Variants in DRC8 observed in about 807,000 individuals in gnomAD.
The protein encoded by DRC8 is dynein regulatory complex subunit 8.
chr1:245,048,865 T>C, the DRC8 span, among the ~76,000 whole-genome samples: 2 of 152,202 alleles, frequency 1.3e-5, no homozygotes, highest in Non-Finnish European at 2.9e-5. Flanking sequence ...TCTTGCTATA[T>C]TGTCCAGGTG....
chr1:244,970,624 G>T, the DRC8 span: 4 of 452,692 alleles, frequency 8.8e-6, no homozygotes, highest in South Asian at 2.8e-5. Context: ...CCCGTAGCCC[G>T]CCCGGCCCGC....
chr1:245,001,444 A>C, the DRC8 span, among the ~76,000 whole-genome samples: 1 of 152,218 alleles, frequency 6.6e-6, no homozygotes. Flanking sequence ...CATACCCCAG[A>C]CCTGTTGAGT....
the DRC8 span, among the ~76,000 whole-genome samples, chr1:244,975,698 A>C: frequency 6.6e-6 from 1 of 151,802 alleles, no homozygotes; most frequent in African/African-American, 2.4e-5. Flanking sequence ...GTCTCTACTA[A>C]AAATACAAAA....
the DRC8 span, among the ~76,000 whole-genome samples, chr1:245,117,223 C>T: frequency 6.6e-6 from 1 of 151,834 alleles, no homozygotes; most frequent in African/African-American, 2.4e-5. Context: ...CGGCTAATTT[C>T]TTTGTATTTT....
chr1:245,091,739 A>T, the DRC8 span: 31 of 152,356 alleles, frequency 2.0e-4, no homozygotes, highest in African/African-American at 7.2e-4. Context: ...CTCCCCACAG[A>T]AATCTCATTT....
At chr1:245,121,712 G>T in the DRC8 span, among the ~76,000 whole-genome samples, 1 of 152,102 alleles carries the variant, frequency 6.6e-6, no homozygotes, top group East Asian at 1.9e-4. Context: ...CCAAAACGAG[G>T]GCTGTCCAGC....
At chr1:245,053,174 A>G in the DRC8 span, among the ~76,000 whole-genome samples, 12 of 152,334 alleles carry the variant, frequency 7.9e-5, no homozygotes, top group Non-Finnish European at 1.3e-4. Flanking sequence ...AATGATGTAC[A>G]GCAAGTCTTT....
At chr1:245,070,205 A>G in the DRC8 span, among the ~76,000 whole-genome samples, 1 of 152,236 alleles carries the variant, frequency 6.6e-6, no homozygotes, top group Non-Finnish European at 1.5e-5. Flanking sequence ...ACCTATACTA[A>G]TATCATTAAT....
chr1:245,041,228 A>G, the DRC8 span, among the ~76,000 whole-genome samples: 5 of 152,166 alleles, frequency 3.3e-5, no homozygotes, highest in Non-Finnish European at 7.4e-5. Flanking sequence ...CAAAGAGGAT[A>G]GTGTACCTGT....
chr1:245,111,468 C>T, the DRC8 span, among the ~76,000 whole-genome samples: 1 of 152,222 alleles, frequency 6.6e-6, no homozygotes, highest in Non-Finnish European at 1.5e-5. Context: ...GTTTACAATG[C>T]AGTTGGTGCA....
At chr1:245,023,351 T>C in the DRC8 span, among the ~76,000 whole-genome samples, 1 of 152,244 alleles carries the variant, frequency 6.6e-6, no homozygotes, top group Admixed American at 6.5e-5. Flanking sequence ...TGTATAGATA[T>C]CTGTTCCAGT....
chr1:244,995,222 G>A, the DRC8 span, among the ~76,000 whole-genome samples: 2 of 152,038 alleles, frequency 1.3e-5, no homozygotes, highest in East Asian at 1.9e-4. Context: ...TTAGCCGGGC[G>A]TGGTGGCAGG....
At chr1:245,087,496 T>C in the DRC8 span, 1 of 1,387,322 alleles carries the variant, frequency 7.2e-7, no homozygotes, top group Non-Finnish European at 9.3e-7. Flanking sequence ...ACACTTTGTT[T>C]TTAAAGATGA....
At chr1:245,030,631 C>G in the DRC8 span, 1 of 152,182 alleles carries the variant, frequency 6.6e-6, no homozygotes, top group Non-Finnish European at 1.5e-5. Context: ...TTCTACTCAC[C>G]TGCTTTTATT....
At chr1:244,970,428 G>A in the DRC8 span, 16 of 1,537,490 alleles carry the variant, frequency 1.0e-5, no homozygotes, top group Admixed American at 1.8e-4. Flanking sequence ...GATGGCGGAC[G>A]AGAAGGACAG....
the DRC8 span, among the ~76,000 whole-genome samples, chr1:244,975,357 A>C: frequency 6.6e-6 from 1 of 152,188 alleles, no homozygotes; most frequent in Non-Finnish European, 1.5e-5. Context: ...GGGACAGTAC[A>C]AAGGTTGAGC....
the DRC8 span, among the ~76,000 whole-genome samples, chr1:244,976,592 C>T: frequency 4.2e-3 from 642 of 152,292 alleles, 2 homozygotes; most frequent in Non-Finnish European, 7.0e-3. Flanking sequence ...TGAGATACTA[C>T]CTCACGCCTG....
At chr1:245,086,235 T>C in the DRC8 span, among the ~76,000 whole-genome samples, 9 of 152,188 alleles carry the variant, frequency 5.9e-5, no homozygotes, top group African/African-American at 2.2e-4. Flanking sequence ...TATGAACCAA[T>C]ATGTTTGGAA....
chr1:245,114,566 C>T, the DRC8 span, among the ~76,000 whole-genome samples: 17 of 152,090 alleles, frequency 1.1e-4, no homozygotes, highest in African/African-American at 2.9e-4. Flanking sequence ...GGCCAGCAGC[C>T]GGTTCCTGCC....
Sources: allele counts gnomAD v4.1 joint callset (sites outside exome capture counted in the v4.1 genomes callset), GRCh38; gene constraint gnomAD v4.1.1; transcripts MANE v1.5; gene names NCBI Gene and HGNC (gene_info 2026-07-23, HGNC 2026-07-21).